The following NCOA3 variants were observed in gnomAD, a reference collection of about 807,000 sequenced individuals.
The protein encoded by NCOA3 is nuclear receptor coactivator 3.
In NCOA3, 51 loss-of-function variants were observed where a neutral mutation model predicts 158.8. The observed-to-expected ratio is 0.32, with a 90% CI of 0.26 to 0.41. The LOEUF is 0.41. Ranked by LOEUF, NCOA3 falls within the 10% of genes least tolerant of loss-of-function variation. The pLI is 1.00. For missense variants in NCOA3, 1,510 were observed against 1,746.6 expected, an observed-to-expected ratio of 0.86 and a Z score of 2.41; for synonymous variants, 537 against 592.4, an observed-to-expected ratio of 0.91 and a Z score of 1.36.
rs531323266 is a variant in NCOA3 at position 47,620,073 on chromosome 20, C to T, written c.-19-2156C>T. Among the ~76,000 whole-genome samples the T allele has an allele frequency of 1.4e-4, 21 of 147,298 alleles. No homozygotes were observed. The Middle Eastern group carries it at 0.011, about 75-fold the overall frequency. The stretch of plus-strand genomic sequence containing the variant: ...CCTCCCAAAGTGGTGGGATTACAGG[C>T]GTGAGCCACTGCACCTGGCTCTTTA... On this transcript the variant is annotated intron_variant, in intron 2 of 22. Coordinates refer to ENST00000371998, the MANE Select transcript of NCOA3 (RefSeq NM_181659.3).
intron 8 of NCOA3, chr20:47,631,549 T>A (rs1372993672): frequency 6.6e-6 from 1 of 152,250 alleles, no homozygotes; most frequent in Non-Finnish European, 1.5e-5. Context: ...ATTTGGTGTC[T>A]CCATTGTATT....
At chr20:47,593,944 A>G (rs2146244973) in intron 2 of NCOA3, among the ~76,000 whole-genome samples, 1 of 152,326 alleles carries the variant, frequency 6.6e-6, no homozygotes, top group East Asian at 1.9e-4. Context: ...CTAAAGTTTA[A>G]AGGTAAACAT....
chr20:47,560,527 A>G (rs1210103788), intron 1 of NCOA3, among the ~76,000 whole-genome samples: 2 of 152,256 alleles, frequency 1.3e-5, no homozygotes, highest in Middle Eastern at 3.4e-3. Flanking sequence ...AATGAATTAG[A>G]GTTCCTGTTA....
chr20:47,541,627 C>T (rs1159634847), intron 1 of NCOA3, among the ~76,000 whole-genome samples: 1 of 150,342 alleles, frequency 6.7e-6, no homozygotes, highest in Non-Finnish European at 1.5e-5. Flanking sequence ...AAGTTACCCT[C>T]CTGCCCTCAA....
chr20:47,587,845 A>G (rs562525329), intron 2 of NCOA3, among the ~76,000 whole-genome samples: 3 of 152,238 alleles, frequency 2.0e-5, no homozygotes, highest in Non-Finnish European at 4.4e-5. Flanking sequence ...TCTTTATTCC[A>G]TGTCTACAGG....
chr20:47,638,551 AAAG>A (rs955689374), intron 13 of NCOA3, among the ~76,000 whole-genome samples: 57 of 152,316 alleles, frequency 3.7e-4, no homozygotes, highest in African/African-American at 1.3e-3. Context: ...GGGGGGAAAA[AAAG>A]AAGGTTAGAA....
chr20:47,580,568 C>A (rs539565553), intron 1 of NCOA3, among the ~76,000 whole-genome samples: 2 of 151,008 alleles, frequency 1.3e-5, no homozygotes, highest in African/African-American at 4.9e-5. Context: ...CCACCCCCAT[C>A]CCCCCAAAAA....
intron 19 of NCOA3, among the ~76,000 whole-genome samples, 154 bp from the exon 20 acceptor site, chr20:47,650,828 G>A (rs547100207): frequency 7.2e-5 from 11 of 151,930 alleles, no homozygotes; most frequent in South Asian, 2.1e-4. Flanking sequence ...GTGCCACTGC[G>A]CTCCAGCCTG....
intron 2 of NCOA3, among the ~76,000 whole-genome samples, chr20:47,601,946 C>G (rs1004204375): frequency 1.6e-4 from 24 of 152,190 alleles, no homozygotes; most frequent in African/African-American, 5.8e-4. Flanking sequence ...ACTTTGAAAG[C>G]TTTGCATGTG....
chr20:47,633,376 G>A, intron 8 of NCOA3, 120 bp from the exon 9 acceptor site: 2 of 957,370 alleles, frequency 2.1e-6, no homozygotes, highest in Non-Finnish European at 3.1e-6. Flanking sequence ...TTGGATCAGA[G>A]AAGGTGGAGC....
intron 2 of NCOA3, among the ~76,000 whole-genome samples, chr20:47,613,002 C>T (rs867153660): frequency 1.8e-4 from 27 of 152,298 alleles, no homozygotes; most frequent in Non-Finnish European, 2.9e-5. Flanking sequence ...TTAAATTCAA[C>T]TTCATCAGGT....
intron 2 of NCOA3, among the ~76,000 whole-genome samples, chr20:47,590,204 A>G (rs921154982): frequency 3.9e-5 from 6 of 152,236 alleles, no homozygotes; most frequent in Admixed American, 2.0e-4. Context: ...GAAATAGTAT[A>G]TGACCTAGAT....
intron 2 of NCOA3, among the ~76,000 whole-genome samples, chr20:47,587,402 T>C (rs2085552561): frequency 6.6e-6 from 1 of 152,214 alleles, no homozygotes; most frequent in African/African-American, 2.4e-5. Context: ...TTTTAGTGGA[T>C]AGAGCTAGGA....
chr20:47,501,957 G>A lies in NCOA3; in HGVS notation c.-161G>A, dbSNP rs1446950455. 7.5e-6 allele frequency: 3 copies of A among 400,322 alleles called. No individual in the cohort carries two copies. The allele number at this position is 400,322 out of a possible 1,614,324, so 24.8% of individuals were successfully genotyped here. On this transcript the variant is annotated 5_prime_UTR_variant, in exon 1 of 23. Transcript: ENST00000371998. ...GCTTAGTCGGTGGCGGCCGGCGGCGGCTGCGGGCTGAGCGGCGAGTTTCCG... is the reference window on the plus strand; with the variant it reads ...GCTTAGTCGGTGGCGGCCGGCGGCGACTGCGGGCTGAGCGGCGAGTTTCCG...
intron 1 of NCOA3, among the ~76,000 whole-genome samples, chr20:47,512,210 A>ATTT (rs2084154108): frequency 6.6e-6 from 1 of 152,160 alleles, no homozygotes; most frequent in South Asian, 2.1e-4. Context: ...AAACACAAAA[A>ATTT]AAGTTTTTCT....
At chr20:47,621,270 T>C (rs1425621176) in intron 2 of NCOA3, among the ~76,000 whole-genome samples, 1 of 152,064 alleles carries the variant, frequency 6.6e-6, no homozygotes, top group Non-Finnish European at 1.5e-5. Context: ...TTTTGATTTT[T>C]TTTTTAAAGC....
At chr20:47,630,095 A>G (rs1205061993) in intron 8 of NCOA3, among the ~76,000 whole-genome samples, 1 of 152,120 alleles carries the variant, frequency 6.6e-6, no homozygotes, top group Non-Finnish European at 1.5e-5. Context: ...TCTGTTTTGT[A>G]TTTGTCATGT....
intron 1 of NCOA3, among the ~76,000 whole-genome samples, chr20:47,555,909 T>C (rs1224517079): frequency 1.3e-5 from 2 of 151,240 alleles, no homozygotes; most frequent in East Asian, 3.9e-4. Flanking sequence ...CCCAAAGTGC[T>C]GGGATTACAG....
chr20:47,533,239 C>G (rs1602358987), intron 1 of NCOA3, among the ~76,000 whole-genome samples: 1 of 133,062 alleles, frequency 7.5e-6, no homozygotes, highest in Admixed American at 8.3e-5. Context: ...GAGCTGAGAA[C>G]ACACCACTGC....
Sources: allele counts gnomAD v4.1 joint callset (sites outside exome capture counted in the v4.1 genomes callset), GRCh38; gene constraint gnomAD v4.1.1; transcripts MANE v1.5; gene names NCBI Gene and HGNC (gene_info 2026-07-23, HGNC 2026-07-21).